P2RX5: variants seen among roughly 807,000 people sequenced by gnomAD.
The protein encoded by P2RX5 is purinergic receptor P2X 5.
Under a neutral mutation model 54.1 loss-of-function variants are expected in P2RX5, and 46 were observed. That is an observed-to-expected ratio of 0.85 (90% CI 0.67 to 1.09). The LOEUF (loss-of-function observed/expected upper bound fraction) is 1.09. Among genes scored for constraint, P2RX5 ranks in the 50% least tolerant of loss-of-function variants. The pLI is 0.00. For missense variants in P2RX5, 566 were observed against 549.8 expected, an observed-to-expected ratio of 1.03 and a Z score of -0.29; for synonymous variants, 226 against 226.4, an observed-to-expected ratio of 1.00 and a Z score of 0.02.
chr17:3,699,874 A>AAAGGAAGGAAGGAAGGAAGG (rs771611154), upstream of P2RX5, among the ~76,000 whole-genome samples: 1 of 42,710 alleles, frequency 2.3e-5, no homozygotes, highest in Admixed American at 2.6e-4. Context: ...AGAAAGAAAG[A>AAAGGAAGGAAGGAAGGAAGG]AAGGAAGGAA....
upstream of P2RX5, among the ~76,000 whole-genome samples, chr17:3,699,052 G>GACACACACAC (rs71379596): frequency 7.3e-5 from 3 of 40,848 alleles, no homozygotes; most frequent in African/African-American, 9.6e-5. Flanking sequence ...TATATAGACA[G>GACACACACAC]ACACACACAC....
At chr17:3,688,403 C>G (rs1019547217) in intron 8 of P2RX5, among the ~76,000 whole-genome samples, 1 of 152,196 alleles carries the variant, frequency 6.6e-6, no homozygotes, top group Non-Finnish European at 1.5e-5. Flanking sequence ...CTCGGCTTCA[C>G]GGAGAGAAAC....
chr17:3,715,156 C>A, the P2RX5 span, among the ~76,000 whole-genome samples: 1 of 152,350 alleles, frequency 6.6e-6, no homozygotes, highest in South Asian at 2.1e-4. Flanking sequence ...ACTCCACCTT[C>A]CTCTGAACCC....
At chr17:3,676,418 G>A (rs2050106364) in intron 11 of P2RX5, 2 of 982,598 alleles carry the variant, frequency 2.0e-6, no homozygotes, top group Non-Finnish European at 2.4e-6. Context: ...GGAACCGGGA[G>A]GACGGAGGTT....
At chr17:3,677,541 G>T in intron 11 of P2RX5, 2 of 985,400 alleles carry the variant, frequency 2.0e-6, no homozygotes, top group Non-Finnish European at 2.4e-6. Flanking sequence ...TGTTGTCCAA[G>T]AGCTTTCTCT....
the P2RX5 span, among the ~76,000 whole-genome samples, chr17:3,704,668 T>G: frequency 2.0e-5 from 3 of 151,904 alleles, no homozygotes; most frequent in Non-Finnish European, 4.4e-5. Context: ...AGTAAACACT[T>G]GAAAGAGTAA....
intron 9 of P2RX5, chr17:3,682,321 G>C (rs970276403): frequency 5.3e-6 from 2 of 380,650 alleles, no homozygotes; most frequent in Non-Finnish European, 1.0e-5. Flanking sequence ...CTGGACAAGA[G>C]AGACCTCCTG....
the P2RX5 span, chr17:3,716,654 C>T: frequency 1.6e-6 from 2 of 1,257,956 alleles, no homozygotes; most frequent in Non-Finnish European, 1.2e-6. Context: ...AGAGCCCAGT[C>T]TTCCCTCACT....
At chr17:3,701,221 GT>G (rs922303808), upstream of P2RX5, among the ~76,000 whole-genome samples, 5 of 151,780 alleles carry the variant, frequency 3.3e-5, no homozygotes, top group Admixed American at 1.3e-4. Flanking sequence ...ACGTTGTGAG[GT>G]TTTTTTTGCA....
In P2RX5 at chr17:3,673,464, T is replaced by C. The variant is rs1305898066; in HGVS notation, c.*404A>G. ...CAGAGGGGAGTGGGCTGGAACCAAA[T>C]GGAGCCCTTTTCCGGACACGCACAA... is the stretch of plus-strand genomic sequence containing the variant. On this transcript the variant is annotated 3_prime_UTR_variant, in exon 12 of 12. Transcript: ENST00000225328. The C allele has an allele frequency of 6.3e-6, 7 of 1,111,850 alleles. No homozygotes were observed. The Admixed American group carries it at 1.8e-4, about 28-fold the overall frequency. The allele number at this position is 1,111,850 out of a possible 1,614,324, so 68.9% of individuals were successfully genotyped here. A position where few individuals can be genotyped will look rare whatever the true frequency, so the allele number is the denominator to read the frequency against.
the P2RX5 span, among the ~76,000 whole-genome samples, chr17:3,722,133 C>T: frequency 3.7e-4 from 56 of 150,694 alleles, no homozygotes; most frequent in Admixed American, 1.3e-3. Context: ...GAGCCGAGAT[C>T]GTGCCATTGC....
At position 3,690,960 on chromosome 17, in the gene P2RX5, G is replaced by A; in HGVS notation, c.356C>T (p.Ala119Val). ...VTPNQRQNVCAENEGIPDGAC... is the reference protein window; with the variant it reads ...VTPNQRQNVCVENEGIPDGAC... ...GGGCCCCTCGCCAAATCAAACCTCA[G>A]CACAGACGTTCTGCCGCTGGTTGGG... Residue 119 changes from alanine to valine, a missense_variant, in exon 3 of 12, where the codon GCT becomes GTT. By Grantham distance (64) the Ala-to-Val change is moderately conservative. Coordinates refer to ENST00000225328, the MANE Select transcript of P2RX5 (RefSeq NM_002561.4). 6.2e-7 allele frequency: 1 copy of A among 1,604,326 alleles called. No individual in the cohort carries two copies. Among genetic ancestry groups the A allele is most frequent in the Non-Finnish European group, 8.5e-7 (1 of 1,175,852 alleles).
At chr17:3,673,964 T>C (rs2050040125) in intron 11 of P2RX5, 87 bp from the exon 12 acceptor site, 2 of 1,224,316 alleles carry the variant, frequency 1.6e-6, no homozygotes, top group South Asian at 2.6e-5. Flanking sequence ...GAGAAGGGCC[T>C]TCCCAAGTCT....
rs569844706 is a variant in P2RX5, at chr17:3,692,319, A to AAAAT, written c.138-529_138-526dup. On this transcript the variant is annotated intron_variant, in intron 1 of 11. Transcript: ENST00000225328. ...GCGACAGAGTGAGATTCTGTCTCAA[A>AAAAT]AAATAAATAAATAAATAAATAAAAG... Among the ~76,000 whole-genome samples, 108 of 152,106 alleles carry AAAAT rather than the reference A, an allele frequency of 7.1e-4. No individual in the cohort carries two copies. The East Asian group carries it at 9.5e-3, about 13-fold the overall frequency.
upstream of P2RX5, among the ~76,000 whole-genome samples, chr17:3,700,683 A>T (rs530316640): frequency 2.0e-5 from 3 of 152,232 alleles, no homozygotes; most frequent in Admixed American, 6.5e-5. Context: ...CCCATGTTGG[A>T]GGGGGCCTAG....
rs2050523770 is a variant in P2RX5 at position 3,688,890 on chromosome 17, C to T, written c.754-131G>A. The T allele has an allele frequency of 3.1e-6, 3 of 968,520 alleles. No homozygotes were observed. The East Asian group carries it at 7.4e-5, about 24-fold the overall frequency. The allele number at this position is 968,520 out of a possible 1,614,324, so 60.0% of individuals were successfully genotyped here. On this transcript the variant is annotated intron_variant, in intron 7 of 11. Transcript: ENST00000225328. ...CACGAGGTCAGCCCCTCGAGACCAC[C>T]CTCCAGGAGGCTTAGTCCCCCCATG...
intron 2 of P2RX5, 21 bp downstream of exon 2, chr17:3,691,623 G>A (rs1169346232): frequency 1.6e-5 from 26 of 1,613,952 alleles, no homozygotes; most frequent in Non-Finnish European, 2.2e-5. Flanking sequence ...CCTTGGCCGT[G>A]TGCTAGGTGG....
upstream of P2RX5, among the ~76,000 whole-genome samples, chr17:3,699,874 AAAGGAAGG>A (rs771611154): frequency 2.6e-4 from 11 of 42,776 alleles, no homozygotes; most frequent in African/African-American, 5.8e-4. Context: ...AGAAAGAAAG[AAAGGAAGG>A]AAGGAAGGAA....
At chr17:3,685,282 A>G (rs890513064) in intron 9 of P2RX5, among the ~76,000 whole-genome samples, 1 of 152,186 alleles carries the variant, frequency 6.6e-6, no homozygotes, top group Non-Finnish European at 1.5e-5. Flanking sequence ...AGCTACCAGC[A>G]CATGCCTCCC....
Sources: gnomAD v4.1 joint callset for allele counts (sites outside exome capture counted in the v4.1 genomes callset) on GRCh38, gnomAD v4.1.1 for gene constraint, MANE v1.5 for transcripts, NCBI Gene and HGNC (gene_info 2026-07-23, HGNC 2026-07-21) for gene names.